The following CNP variants were observed in gnomAD, a reference collection of about 807,000 sequenced individuals.
CNP encodes 2',3'-cyclic nucleotide 3' phosphodiesterase.
In CNP, 8 loss-of-function variants were observed where a neutral mutation model predicts 37.9. That is an observed-to-expected ratio of 0.21 (90% CI 0.12 to 0.38). CNP has a LOEUF of 0.38. Among genes scored for constraint, CNP ranks in the 10% least tolerant of loss-of-function variants. The pLI is 1.00. For synonymous variants in CNP, 237 were observed against 238.3 expected (o/e 0.99, Z 0.05); for missense variants, 457 against 551.0 (o/e 0.83, Z 1.71).
In CNP at chr17:41,973,763, C is replaced by T. The variant is rs202171457; in HGVS notation, c.1105C>T (p.Arg369Trp). 128 of 1,612,138 alleles carry T rather than the reference C, an allele frequency of 7.9e-5. 1 individual carries two copies. The highest frequency in any genetic ancestry group is 1.2e-4 in the Admixed American group (7 of 59,770). ...SRGEEVGELS[R>W]GKLYSLGNGR... ...AGGCGAGGAGGTGGGCGAGCTAAGC[C>T]GGGGCAAGCTCTATTCCTTGGGCAA... Residue 369 changes from arginine to tryptophan, a missense_variant, in exon 4 of 4, where the codon CGG (arginine) becomes TGG (tryptophan). By Grantham distance (101) the Arg-to-Trp change is moderately radical. Around this residue, in one of 2 missense-constraint regions of CNP, gnomAD observed 291 missense variants for 291.7 expected, o/e 1.00. Transcript: ENST00000393892.
chr17:41,973,653 C>G lies in CNP; in HGVS notation c.995C>G (p.Thr332Ser), dbSNP rs940104617. ...NLPRGSRAHI[T>S]LGCAADVEAV... is the part of the protein sequence containing the mutation. ...CCGCGGGGGAGCCGCGCCCACATCA[C>G]CCTCGGCTGTGCAGCTGACGTAGAG... The change falls in exon 4 of 4, where the codon ACC (threonine) becomes AGC (serine). Residue 332 changes from threonine to serine, a missense_variant. Transcript: ENST00000393892. The G allele has an allele frequency of 2.4e-5, 38 of 1,613,942 alleles. No homozygotes were observed. Among genetic ancestry groups the G allele is most frequent in the Non-Finnish European group, 3.2e-5 (38 of 1,180,030 alleles).
At position 41,968,136 on chromosome 17, in the gene CNP, A is replaced by G; in HGVS notation, c.72A>G (p.Ser24=). 1 of 1,614,210 alleles carries G rather than the reference A, an allele frequency of 6.2e-7. No homozygotes were observed. The highest frequency in any genetic ancestry group is 8.5e-7 in the Non-Finnish European group (1 of 1,180,028). ...TCTTCTTCCGCAAGATGTCATCCTC[A>G]GGGGCCAAGGACAAGCCTGAGCTGC... ...PKIFFRKMSS[S]GAKDKPELQF... Residue 24 remains serine, a synonymous_variant, in exon 2 of 4, where the codon TCA becomes TCG. Transcript: ENST00000393892. This position sits in a 1 kb window ranked among gnomAD's most constrained non-coding sequence, Gnocchi z 4.8.
Position 41,971,915 on chromosome 17 carries a change from G to A in CNP, c.700G>A (p.Glu234Lys). 6.2e-7 allele frequency: 1 copy of A among 1,613,848 alleles called. No homozygotes were observed. Among genetic ancestry groups the A allele is most frequent in the Non-Finnish European group, 8.5e-7 (1 of 1,179,932 alleles). Residue 234 changes from glutamate (E) to lysine (K), a missense_variant, in exon 3 of 4, where the codon GAG (glutamate) becomes AAG (lysine). Coordinates refer to ENST00000393892, the MANE Select transcript of CNP (RefSeq NM_033133.5). The stretch of plus-strand genomic sequence containing the variant: ...AGTCGTCCCTGGGGATGAGCCCAGG[G>A]AGAAGATGGACTTGGTCACCTACTT... ...RQFVPGDEPR[E>K]KMDLVTYFGK... is the part of the protein sequence containing the mutation.
chr17:41,971,945 A>G lies in CNP; in HGVS notation c.730A>G (p.Lys244Glu), dbSNP rs1555643882. 3.7e-6 allele frequency: 6 copies of G among 1,613,762 alleles called. No individual in the cohort carries two copies. In the Admixed American group the frequency reaches 1.0e-4, roughly 27 times the overall value. ...GATGGACTTGGTCACCTACTTTGGA[A>G]AGAGACCCCCAGGCGTGCTGCATTG... is the stretch of plus-strand genomic sequence containing the variant. ...EKMDLVTYFG[K>E]RPPGVLHCTT... Residue 244 changes from lysine to glutamate, a missense_variant, in exon 3 of 4, where the codon AAG becomes GAG. Transcript: ENST00000393892.
At position 41,977,170 on chromosome 17, in the gene CNP, G is replaced by C. The variant is rs1459770714; in HGVS notation, c.*3246G>C. ...TGAGAATTCAGCTGCCCCCGCTCAT[G>C]GGCCCCTCTGACTCCCAAAGAGCTG... On this transcript the variant is annotated 3_prime_UTR_variant, in exon 4 of 4. Coordinates refer to ENST00000393892, the MANE Select transcript of CNP (RefSeq NM_033133.5). 1 of 1,291,958 alleles carries C rather than the reference G, an allele frequency of 7.7e-7. No homozygotes were observed. The highest frequency in any genetic ancestry group is 1.5e-5 in the African/African-American group (1 of 67,140). 80.0% of individuals were successfully genotyped at this position (1,291,958 alleles called of 1,614,324 possible).
chr17:41,974,020 T>G lies in CNP; in HGVS notation c.*96T>G. 1 of 1,200,916 alleles carries G rather than the reference T, an allele frequency of 8.3e-7. No individual in the cohort carries two copies. The highest frequency in any genetic ancestry group is 2.3e-5 in the South Asian group (1 of 43,822). 74.4% of individuals were successfully genotyped at this position (1,200,916 alleles called of 1,614,324 possible). A position where few individuals can be genotyped will look rare whatever the true frequency, so the allele number is the denominator to read the frequency against. ...TTTTGTGACATTTTTTTTTTTTTTT[T>G]TTTTACTCAAAGTTAACCTACCTGT... On this transcript the variant is annotated 3_prime_UTR_variant, in exon 4 of 4. Transcript: ENST00000393892.
chr17:41,972,142 CA>C, intron 3 of CNP, 111 bp downstream of exon 3: 1 of 1,351,422 alleles, frequency 7.4e-7, no homozygotes, highest in African/African-American at 1.4e-5. Flanking sequence ...AACCAGATGG[CA>C]GCTCAAGAAA....
At chr17:41,967,087 A>T in intron 1 of CNP, 200 bp downstream of exon 1, 1 of 483,018 alleles carries the variant, frequency 2.1e-6, no homozygotes, top group Non-Finnish European at 3.3e-6. Context: ...TGTAAAGGGA[A>T]ACGGTGGTGT....
In CNP at chr17:41,973,938, C is replaced by A; in HGVS notation, c.*14C>A. On this transcript the variant is annotated 3_prime_UTR_variant, in exon 4 of 4. Transcript: ENST00000393892. ...ACCATCATATGAGTGTTCTCACCAC[C>A]ACTTATGCCCCTAGAAGGGAAGGGG... is the stretch of plus-strand genomic sequence containing the variant. The A allele has an allele frequency of 6.7e-7, 1 of 1,489,996 alleles. No individual in the cohort carries two copies. Among genetic ancestry groups the A allele is most frequent in the Non-Finnish European group, 8.9e-7 (1 of 1,121,642 alleles). The allele number at this position is 1,489,996 out of a possible 1,614,324, so 92.3% of individuals were successfully genotyped here.
At chr17:41,973,147 C>T (rs535677132) in intron 3 of CNP, among the ~76,000 whole-genome samples, 8 of 152,180 alleles carry the variant, frequency 5.3e-5, no homozygotes, top group South Asian at 2.1e-4. Context: ...CCCTGTTTTA[C>T]GGGTGATGAA....
chr17:41,967,033 G>A, intron 1 of CNP, 146 bp downstream of exon 1: 1 of 945,732 alleles, frequency 1.1e-6, no homozygotes, highest in Non-Finnish European at 1.4e-6. Flanking sequence ...GCGGCCCTGA[G>A]GTCTGGGAGA....
In CNP at chr17:41,972,017, T is replaced by C; in HGVS notation, c.802T>C (p.Tyr268His). ...CGGGAAGGCTCCCGGGGCAGAGGAG[T>C]ACGCTCAACAAGATGTGAGTCTTCC... The part of the protein sequence containing the change: ...DYGKAPGAEE[Y>H]AQQDVLKKSY... The change falls in exon 3 of 4, where the codon TAC becomes CAC. Residue 268 changes from tyrosine (Y) to histidine (H), a missense_variant. Physicochemically the swap from Tyr to His is moderately conservative, Grantham distance 83. Around this residue, in one of 2 missense-constraint regions of CNP, gnomAD observed 291 missense variants for 291.7 expected, o/e 1.00. Coordinates refer to ENST00000393892, the MANE Select transcript of CNP (RefSeq NM_033133.5). 2 of 1,612,996 alleles carry C rather than the reference T, an allele frequency of 1.2e-6. No individual in the cohort carries two copies. The highest frequency in any genetic ancestry group is 1.7e-6 in the Non-Finnish European group (2 of 1,179,646).
chr17:41,968,133 C>T lies in CNP; in HGVS notation c.69C>T (p.Ser23=). The T allele has an allele frequency of 3.1e-6, 5 of 1,614,238 alleles. No homozygotes were observed. Among genetic ancestry groups the T allele is most frequent in the Non-Finnish European group, 4.2e-6 (5 of 1,180,046 alleles). ...LPKIFFRKMS[S]SGAKDKPELQ... is the part of the protein sequence containing the mutation. ...AGATCTTCTTCCGCAAGATGTCATC[C>T]TCAGGGGCCAAGGACAAGCCTGAGC... is the stretch of plus-strand genomic sequence containing the variant. The change falls in exon 2 of 4, where the codon TCC becomes TCT. Residue 23 remains serine, a synonymous_variant. Transcript: ENST00000393892. This position sits in a 1 kb window ranked among gnomAD's most constrained non-coding sequence, Gnocchi z 4.8.
At position 41,973,457 on chromosome 17, in the gene CNP, C is replaced by A. The variant is rs200914994; in HGVS notation, c.817-18C>A. The A allele has an allele frequency of 6.2e-7, 1 of 1,602,286 alleles. No homozygotes were observed. The highest frequency in any genetic ancestry group is 2.2e-5 in the East Asian group (1 of 44,730). ...CCTGCCATCTCTAGCTTGGGCCCCTCTTTCTCACTCTCCCCAGGTGTTAAA... is the reference window on the plus strand; with the variant it reads ...CCTGCCATCTCTAGCTTGGGCCCCTATTTCTCACTCTCCCCAGGTGTTAAA... On this transcript the variant is annotated intron_variant, in intron 3 of 3. Transcript: ENST00000393892.
chr17:41,968,317 G>A lies in CNP; in HGVS notation c.253G>A (p.Ala85Thr). ...TGGCACCAAGATGGTGTCGGCTGAC[G>A]CTTACAAGATCACCCCCGGCGCTCG... ...RDGTKMVSAD[A>T]YKITPGARGA... is the part of the protein sequence containing the mutation. The change falls in exon 2 of 4, where the codon GCT (alanine) becomes ACT (threonine). Residue 85 changes from alanine to threonine, a missense_variant. By Grantham distance (58) the Ala-to-Thr change is moderately conservative (BLOSUM62 0). Transcript: ENST00000393892. The surrounding 1 kb of genome is among the most constrained non-coding windows in gnomAD (Gnocchi z 4.8). 6.2e-7 allele frequency: 1 copy of A among 1,614,066 alleles called. No homozygotes were observed. Among genetic ancestry groups the A allele is most frequent in the Non-Finnish European group, 8.5e-7 (1 of 1,179,988 alleles).
At chr17:41,971,002 G>A (rs565556256) in intron 2 of CNP, 1 of 152,376 alleles carries the variant, frequency 6.6e-6, no homozygotes, top group Non-Finnish European at 1.5e-5. Flanking sequence ...GTATTAAACT[G>A]ATGGTGACGT....
chr17:41,968,839 G>A lies in CNP; in HGVS notation c.676+99G>A. The A allele has an allele frequency of 1.5e-6, 2 of 1,364,576 alleles. No homozygotes were observed. The highest frequency in any genetic ancestry group is 2.0e-6 in the Non-Finnish European group (2 of 1,021,488). The allele number at this position is 1,364,576 out of a possible 1,614,324, so 84.5% of individuals were successfully genotyped here. On this transcript the variant is annotated intron_variant, in intron 2 of 3. Coordinates refer to ENST00000393892, the MANE Select transcript of CNP (RefSeq NM_033133.5). This position sits in a 1 kb window ranked among gnomAD's most constrained non-coding sequence, Gnocchi z 4.8. ...TACTCAAAGGATGGAGCACGAAGCAGCAGGAGGCAGAGAGAGGCTCACCTC... is the reference window on the plus strand; with the variant it reads ...TACTCAAAGGATGGAGCACGAAGCAACAGGAGGCAGAGAGAGGCTCACCTC...
At chr17:41,972,979 TCA>T (rs2051012551) in intron 3 of CNP, among the ~76,000 whole-genome samples, 1 of 152,190 alleles carries the variant, frequency 6.6e-6, no homozygotes, top group Admixed American at 6.5e-5. Flanking sequence ...GAGTCTGACC[TCA>T]GTCTGACCTC....
Position 41,973,981 on chromosome 17 carries a change from CTGTT to C in CNP, c.*60_*63del, listed in dbSNP as rs2051035027. On this transcript the variant is annotated 3_prime_UTR_variant, in exon 4 of 4. Transcript: ENST00000393892. The stretch of plus-strand genomic sequence containing the variant: ...GGAAGGGGAGAGGGAAACGTGCCCT[CTGTT>C]TGATCCTTGTTTTGTGACATTTTTT... 14 of 1,209,666 alleles carry C rather than the reference CTGTT, an allele frequency of 1.2e-5. No homozygotes were observed. The highest frequency in any genetic ancestry group is 1.3e-5 in the Non-Finnish European group (12 of 916,752). 74.9% of individuals were successfully genotyped at this position (1,209,666 alleles called of 1,614,324 possible). A position where few individuals can be genotyped will look rare whatever the true frequency, so the allele number is the denominator to read the frequency against.
Sources: gnomAD v4.1 joint callset for allele counts (sites outside exome capture counted in the v4.1 genomes callset) on GRCh38, gnomAD v4.1.1 for gene constraint, gnomAD v4.1.1 regional missense constraint, Gnocchi (gnomAD v3.1) non-coding constraint, MANE v1.5 for transcripts, NCBI Gene and HGNC (gene_info 2026-07-23, HGNC 2026-07-21) for gene names.